The following TBC1D8 variants were observed in gnomAD, a reference collection of about 807,000 sequenced individuals.
TBC1D8 encodes BUB2-like protein 1.
TBC1D8 carries 65 observed loss-of-function variants against 118.8 expected under a neutral mutation model. The observed-to-expected ratio is 0.55, with a 90% CI of 0.45 to 0.67. The LOEUF is 0.67. Among genes scored for constraint, TBC1D8 ranks in the 30% least tolerant of loss-of-function variants. The pLI, the probability that TBC1D8 is intolerant of heterozygous loss-of-function variation, is 0.00. For synonymous variants in TBC1D8, 566 were observed against 595.8 expected (o/e 0.95, Z 0.73); for missense variants, 1,376 against 1,471.2 (o/e 0.94, Z 1.06).
chr2:101,082,623 A>G (rs1338975107), intron 2 of TBC1D8, among the ~76,000 whole-genome samples: 1 of 152,232 alleles, frequency 6.6e-6, no homozygotes, highest in African/African-American at 2.4e-5. Flanking sequence ...CACCCACTGC[A>G]ACATGCGGGA....
chr2:101,148,160 A>G (rs10205587), intron 1 of TBC1D8, among the ~76,000 whole-genome samples: 28,905 of 152,068 alleles, frequency 0.19, 3,170 homozygotes, highest in African/African-American at 0.29. Flanking sequence ...TGGAGGAAAC[A>G]ATTGTGTTTC....
intron 1 of TBC1D8, among the ~76,000 whole-genome samples, chr2:101,097,248 G>A (rs186822889): frequency 1.6e-4 from 25 of 151,928 alleles, no homozygotes; most frequent in Admixed American, 9.8e-4. Flanking sequence ...AAGAAATAAC[G>A]GCTTCCTTAA....
chr2:101,088,391 A>G (rs1675782190), intron 2 of TBC1D8, among the ~76,000 whole-genome samples: 1 of 151,216 alleles, frequency 6.6e-6, no homozygotes, highest in African/African-American at 2.4e-5. Context: ...TCCTCACCGC[A>G]ATTCTCCTGC....
intron 16 of TBC1D8, among the ~76,000 whole-genome samples, chr2:101,022,020 C>A (rs1680058451): frequency 6.6e-6 from 1 of 152,142 alleles, no homozygotes; most frequent in Non-Finnish European, 1.5e-5. Flanking sequence ...TCCCAACAAG[C>A]CACCACCACA....
At chr2:101,017,944 TCTC>T (rs769056999) in intron 17 of TBC1D8, 1 of 1,550,246 alleles carries the variant, frequency 6.5e-7, no homozygotes, top group South Asian at 1.2e-5. Context: ...GGCATTTTCT[TCTC>T]TACTTGGTGA....
In TBC1D8 at chr2:101,024,873, C is replaced by T. The variant is rs981318655; in HGVS notation, c.2521-2352G>A. 2.6e-5 allele frequency among the ~76,000 whole-genome samples: 4 copies of T among 152,118 alleles called. No individual in the cohort carries two copies. The South Asian group carries it at 8.3e-4, about 32-fold the overall frequency. On this transcript the variant is annotated intron_variant, in intron 15 of 19. Coordinates refer to ENST00000409318, the MANE Select transcript of TBC1D8 (RefSeq NM_001330348.2). Reference sequence around the variant, plus strand: ...GTGCTCAGTGTCAAGCAGCAACGACCGGAAGCAACACAAATGTCACTCAAG... The same window carrying T: ...GTGCTCAGTGTCAAGCAGCAACGACTGGAAGCAACACAAATGTCACTCAAG...
At chr2:101,065,657 T>C (rs1196947904) in intron 2 of TBC1D8, among the ~76,000 whole-genome samples, 1 of 152,192 alleles carries the variant, frequency 6.6e-6, no homozygotes, top group African/African-American at 2.4e-5. Flanking sequence ...CACTATAGAG[T>C]TTAAGAAAAT....
chr2:101,047,448 C>A (rs76253141), intron 5 of TBC1D8, among the ~76,000 whole-genome samples: 1 of 152,164 alleles, frequency 6.6e-6, no homozygotes, highest in South Asian at 2.1e-4. Context: ...AGCCAGGGAG[C>A]GAGCATGAAG....
At chr2:101,068,400 G>T in intron 2 of TBC1D8, 1 of 284,372 alleles carries the variant, frequency 3.5e-6, no homozygotes, top group South Asian at 4.4e-5. Context: ...GCAGAAAAAA[G>T]ACCAGAACGT....
intron 1 of TBC1D8, among the ~76,000 whole-genome samples, chr2:101,134,323 C>T (rs115564287): frequency 0.039 from 5,978 of 152,054 alleles, 166 homozygotes; most frequent in South Asian, 0.065. Flanking sequence ...CAGGCACCAT[C>T]AATACTAATC....
intron 5 of TBC1D8, among the ~76,000 whole-genome samples, chr2:101,049,745 GAAAAA>G (rs1681936577): frequency 6.6e-6 from 1 of 151,970 alleles, no homozygotes; most frequent in Non-Finnish European, 1.5e-5. Context: ...AATAAAAAAA[GAAAAA>G]GAAAAGACAA....
chr2:101,023,628 T>A (rs1238040475), intron 15 of TBC1D8: 5 of 439,016 alleles, frequency 1.1e-5, no homozygotes, highest in Non-Finnish European at 1.9e-5. Context: ...TTTTAAGTTT[T>A]TTTTTTAAGG....
intron 4 of TBC1D8, among the ~76,000 whole-genome samples, chr2:101,053,338 C>T (rs1035324196): frequency 6.6e-6 from 1 of 152,156 alleles, no homozygotes; most frequent in Admixed American, 6.5e-5. Context: ...GCATCAGAAC[C>T]AAGGCTGGCG....
rs1305928935 is a variant in TBC1D8 at position 101,017,773 on chromosome 2, CA to C, written c.2827+3907del. ...AGTGACAAAAAGGATAAGATGTTAC[CA>C]AAATCTTGACAAGCTCAGGACTTTT... On this transcript the variant is annotated intron_variant, in intron 17 of 19. Coordinates refer to ENST00000409318, the MANE Select transcript of TBC1D8 (RefSeq NM_001330348.2). 37 of 1,468,426 alleles carry C rather than the reference CA, an allele frequency of 2.5e-5. No homozygotes were observed. In the Admixed American group the frequency reaches 2.7e-4, roughly 11 times the overall value. The allele number at this position is 1,468,426 out of a possible 1,614,324, so 91.0% of individuals were successfully genotyped here. A position where few individuals can be genotyped will look rare whatever the true frequency, so the allele number is the denominator to read the frequency against.
chr2:101,147,835 G>A (rs540098863), intron 1 of TBC1D8, among the ~76,000 whole-genome samples: 1 of 152,040 alleles, frequency 6.6e-6, no homozygotes, highest in Non-Finnish European at 1.5e-5. Flanking sequence ...TAACATCTCC[G>A]GGCTCTTTGT....
intron 2 of TBC1D8, among the ~76,000 whole-genome samples, chr2:101,073,507 G>A (rs1049178012): frequency 9.9e-5 from 15 of 152,042 alleles, no homozygotes; most frequent in Non-Finnish European, 7.4e-5. Context: ...TGTTAGCCAG[G>A]ATGGTCTCGA....
intron 15 of TBC1D8, among the ~76,000 whole-genome samples, chr2:101,023,453 ATAT>A (rs1195944279): frequency 6.6e-6 from 1 of 152,098 alleles, no homozygotes; most frequent in African/African-American, 2.4e-5. Flanking sequence ...GCCCAAAATC[ATAT>A]TATTTAAAAA....
intron 1 of TBC1D8, among the ~76,000 whole-genome samples, chr2:101,124,454 C>A (rs1678265466): frequency 1.3e-5 from 2 of 152,154 alleles, no homozygotes; most frequent in Admixed American, 6.5e-5. Flanking sequence ...CATTTCTAGT[C>A]TCCAAATCCA....
At position 101,007,544 on chromosome 2, in the gene TBC1D8, T is replaced by A. The variant is rs1678818442; in HGVS notation, c.*277A>T. 4.8e-6 allele frequency: 2 copies of A among 416,492 alleles called. No individual in the cohort carries two copies. Among genetic ancestry groups the A allele is most frequent in the South Asian group, 3.5e-5 (1 of 28,880 alleles). The allele number at this position is 416,492 out of a possible 1,614,324, so 25.8% of individuals were successfully genotyped here. ...GTTCATCTGAGAGCAAAATCAACAC[T>A]AGCATCACAGCAGAAGTGCCCATTT... On this transcript the variant is annotated 3_prime_UTR_variant, in exon 20 of 20. Coordinates refer to ENST00000409318, the MANE Select transcript of TBC1D8 (RefSeq NM_001330348.2).
Sources: gnomAD v4.1 joint callset for allele counts (sites outside exome capture counted in the v4.1 genomes callset) on GRCh38, gnomAD v4.1.1 for gene constraint, MANE v1.5 for transcripts, NCBI Gene and HGNC (gene_info 2026-07-23, HGNC 2026-07-21) for gene names.